LARGE1: variants seen among roughly 807,000 people sequenced by gnomAD.
LARGE1 encodes the protein xylosyl- and glucuronyltransferase LARGE1.
LARGE1 carries 43 observed loss-of-function variants against 87.6 expected under a neutral mutation model. That is an observed-to-expected ratio of 0.49 (90% CI 0.38 to 0.63). The LOEUF (loss-of-function observed/expected upper bound fraction) is 0.63. Among genes scored for constraint, LARGE1 ranks in the 30% least tolerant of loss-of-function variants. The pLI is 0.00. For synonymous variants in LARGE1, 434 were observed against 394.6 expected, an observed-to-expected ratio of 1.10 and a Z score of -1.18; for missense variants, 802 against 1,000.2, an observed-to-expected ratio of 0.80 and a Z score of 2.67.
chr22:33,905,044 G>GT (rs34572730), intron 1 of LARGE1, among the ~76,000 whole-genome samples: 30,583 of 126,556 alleles, frequency 0.24, 3,589 homozygotes, highest in African/African-American at 0.28. Context: ...AGGTATTTAA[G>GT]TTTTTTTTTT....
intron 2 of LARGE1, chr22:33,723,854 G>A (rs929850366): frequency 6.6e-6 from 1 of 152,214 alleles, no homozygotes; most frequent in African/African-American, 2.4e-5. Context: ...TCATCACTGA[G>A]CCCAGCCTTT....
intron 1 of LARGE1, among the ~76,000 whole-genome samples, chr22:33,905,251 T>C (rs1214278541): frequency 1.3e-5 from 2 of 151,780 alleles, no homozygotes; most frequent in Non-Finnish European, 1.5e-5. Context: ...CTGTTTTTTA[T>C]ACAGATGGGG....
chr22:33,288,599 C>G (rs764663560), intron 12 of LARGE1, among the ~76,000 whole-genome samples: 8 of 152,174 alleles, frequency 5.3e-5, no homozygotes, highest in African/African-American at 1.7e-4. Flanking sequence ...CTGAGTCTGT[C>G]TACTGTGGGT....
intron 1 of LARGE1, among the ~76,000 whole-genome samples, chr22:33,815,258 A>T (rs565640169): frequency 1.3e-5 from 2 of 152,340 alleles, no homozygotes; most frequent in South Asian, 4.1e-4. Flanking sequence ...GGCAGAAGCT[A>T]GAACTTCCTC....
At chr22:33,545,838 C>T (rs2077347639) in intron 6 of LARGE1, among the ~76,000 whole-genome samples, 1 of 152,218 alleles carries the variant, frequency 6.6e-6, no homozygotes, top group Admixed American at 6.5e-5. Flanking sequence ...CCAGCCTTGG[C>T]CTCCCGACGT....
At chr22:33,426,387 A>G (rs2066879370) in intron 7 of LARGE1, among the ~76,000 whole-genome samples, 1 of 152,220 alleles carries the variant, frequency 6.6e-6, no homozygotes, top group Admixed American at 6.5e-5. Context: ...ATTATTACAG[A>G]CAGAAATCAC....
intron 6 of LARGE1, among the ~76,000 whole-genome samples, chr22:33,554,478 T>G (rs2077618274): frequency 2.0e-5 from 3 of 152,150 alleles, no homozygotes; most frequent in African/African-American, 7.2e-5. Context: ...ACCCTTCTTG[T>G]AAGATCTAGA....
At chr22:33,824,690 C>T (rs2062731237) in intron 1 of LARGE1, among the ~76,000 whole-genome samples, 1 of 152,194 alleles carries the variant, frequency 6.6e-6, no homozygotes, top group Non-Finnish European at 1.5e-5. Flanking sequence ...AAAATGGTGA[C>T]TCCAGAATTT....
intron 1 of LARGE1, among the ~76,000 whole-genome samples, chr22:33,874,465 T>G (rs904258593): frequency 1.3e-5 from 2 of 152,216 alleles, no homozygotes; most frequent in African/African-American, 4.8e-5. Context: ...ACGTGGCAGC[T>G]GAAACGGAGC....
At chr22:33,205,615 T>C (rs118162054) in intron 11 of LARGE1, among the ~76,000 whole-genome samples, 4 of 152,340 alleles carry the variant, frequency 2.6e-5, no homozygotes, top group Non-Finnish European at 5.9e-5. Flanking sequence ...TAAGCAGGAT[T>C]CCTTCAAAAA....
At chr22:33,148,304 G>A in the LARGE1 span, among the ~76,000 whole-genome samples, 2 of 152,162 alleles carry the variant, frequency 1.3e-5, no homozygotes, top group Non-Finnish European at 2.9e-5. Context: ...TTAACTTTGA[G>A]ACTGTATTAT....
chr22:33,068,331 C>T, the LARGE1 span, among the ~76,000 whole-genome samples: 3 of 152,228 alleles, frequency 2.0e-5, no homozygotes, highest in Admixed American at 6.5e-5. Context: ...ACTAGTAGGA[C>T]GGGCAAAGCA....
At chr22:33,767,610 T>TGTGCG (rs1293861003) in intron 1 of LARGE1, among the ~76,000 whole-genome samples, 1 of 152,046 alleles carries the variant, frequency 6.6e-6, no homozygotes, top group Non-Finnish European at 1.5e-5. Context: ...ATTCCAAGCG[T>TGTGCG]GTGCGCCAGC....
intron 11 of LARGE1, among the ~76,000 whole-genome samples, chr22:33,218,169 A>T (rs1190549364): frequency 6.6e-6 from 1 of 151,940 alleles, no homozygotes; most frequent in Non-Finnish European, 1.5e-5. Flanking sequence ...ACCTCAGGAG[A>T]TCCTCCCACC....
chr22:33,260,273 G>A (rs1158707807), intron 11 of LARGE1, among the ~76,000 whole-genome samples: 1 of 152,188 alleles, frequency 6.6e-6, no homozygotes, highest in Non-Finnish European at 1.5e-5. Flanking sequence ...CTGGGGAACG[G>A]TGCGTAACAA....
the LARGE1 span, among the ~76,000 whole-genome samples, chr22:33,149,099 G>A: frequency 3.3e-4 from 49 of 149,508 alleles, no homozygotes; most frequent in African/African-American, 8.6e-4. Context: ...GTGCAGTGGC[G>A]CGATCTCGGC....
chr22:33,383,078 T>C (rs2065210389), intron 8 of LARGE1, among the ~76,000 whole-genome samples: 1 of 152,158 alleles, frequency 6.6e-6, no homozygotes, highest in African/African-American at 2.4e-5. Flanking sequence ...CAGAGTGAGC[T>C]GGCTCTTTGG....
At chr22:33,664,547 T>C (rs574831786) in intron 2 of LARGE1, among the ~76,000 whole-genome samples, 1 of 152,294 alleles carries the variant, frequency 6.6e-6, no homozygotes, top group African/African-American at 2.4e-5. Flanking sequence ...ATTCTACTTG[T>C]CACTCACAGC....
intron 7 of LARGE1, among the ~76,000 whole-genome samples, chr22:33,395,027 C>T (rs1488546205): frequency 6.6e-6 from 1 of 151,938 alleles, no homozygotes; most frequent in East Asian, 1.9e-4. Context: ...GAGATTGAGA[C>T]CATCCTGGCT....
Sources: allele counts gnomAD v4.1 joint callset (sites outside exome capture counted in the v4.1 genomes callset), GRCh38; gene constraint gnomAD v4.1.1; transcripts MANE v1.5; gene names NCBI Gene and HGNC (gene_info 2026-07-23, HGNC 2026-07-21).